Variants in CFAP65 observed in about 807,000 individuals in gnomAD.
CFAP65 encodes cilia- and flagella-associated protein 65.
Under a neutral mutation model 208.0 loss-of-function variants are expected in CFAP65, and 155 were observed. That is an observed-to-expected ratio of 0.75 (90% CI 0.65 to 0.85). The LOEUF (loss-of-function observed/expected upper bound fraction) is 0.85. Among genes scored for constraint, CFAP65 ranks in the 40% least tolerant of loss-of-function variants. The pLI, the probability that CFAP65 is intolerant of heterozygous loss-of-function variation, is 0.00. For synonymous variants in CFAP65, 970 were observed against 986.3 expected (o/e 0.98, Z 0.31); for missense variants, 2,294 against 2,451.3 (o/e 0.94, Z 1.36).
rs201338358 is a variant in CFAP65 at position 219,007,140 on chromosome 2, GT to G, written c.4675-632del. 3.4e-5 allele frequency among the ~76,000 whole-genome samples: 5 copies of G among 148,330 alleles called. No homozygotes were observed. In the South Asian group the frequency reaches 6.3e-4, roughly 19 times the overall value. ...TCCTTCCCTCATGCCCCCAAGAAGAGTTTTTTTTGTTGTTGTTGTTTTTGTT... is the reference window on the plus strand; with the variant it reads ...TCCTTCCCTCATGCCCCCAAGAAGAGTTTTTTTGTTGTTGTTGTTTTTGTT... On this transcript the variant is annotated intron_variant, in intron 29 of 34. Transcript: ENST00000341552.
In CFAP65 at chr2:219,022,231, G is replaced by A. The variant is rs139797387; in HGVS notation, c.2919C>T (p.Pro973=). ...WEAGLSPNAN[P]AATTHYMLRL... ...GGAGCATGTAGTGGGTGGTGGCAGC[G>A]GGGTTGGCATTTGGGGACAGGCCGG... The change falls in exon 17 of 35, where the codon CCC becomes CCT. Residue 973 remains proline (P), a synonymous_variant. Transcript: ENST00000341552. 5.6e-4 allele frequency: 900 copies of A among 1,606,524 alleles called. 4 individuals carry two copies. In the African/African-American group the frequency reaches 9.0e-3, roughly 16 times the overall value.
intron 1 of CFAP65, 83 bp from the exon 2 acceptor site, chr2:219,040,647 C>T: frequency 6.5e-7 from 1 of 1,550,356 alleles, no homozygotes. Context: ...ATGCCTCTGA[C>T]CTCAGGGGAC....
intron 21 of CFAP65, among the ~76,000 whole-genome samples, chr2:219,016,692 G>A (rs996963305): frequency 3.3e-5 from 5 of 152,068 alleles, no homozygotes; most frequent in Non-Finnish European, 4.4e-5. Context: ...GAACCACAAC[G>A]GCCTCCCAAC....
rs201394882 is a variant in CFAP65, at chr2:219,002,968, G to A, written c.5747C>T (p.Pro1916Leu). The change falls in exon 35 of 35, where the codon CCG becomes CTG. Residue 1916 changes from proline (P) to leucine (L), a missense_variant. Around this residue, in one of 2 missense-constraint regions of CFAP65, gnomAD observed 1,427 missense variants for 1,438.7 expected, o/e 0.99. Coordinates refer to ENST00000341552, the MANE Select transcript of CFAP65 (RefSeq NM_194302.4). The surrounding 1 kb of genome is among the most constrained non-coding windows in gnomAD (Gnocchi z 7.9). Reference sequence around the variant, plus strand: ...AAGGTCGGTAGGAAGTGGCACCACCGGGTGGAGTACCTCTGCTTGCTGCGT... The same window carrying A: ...AAGGTCGGTAGGAAGTGGCACCACCAGGTGGAGTACCTCTGCTTGCTGCGT... ...LPTQQAEVLH[P>L]VVPLPTDLP 1.1e-5 allele frequency: 17 copies of A among 1,566,684 alleles called. No homozygotes were observed. In the East Asian group the frequency reaches 1.4e-4, roughly 13 times the overall value.
chr2:219,012,763 G>A (rs917871695), intron 24 of CFAP65, among the ~76,000 whole-genome samples: 1 of 152,200 alleles, frequency 6.6e-6, no homozygotes, highest in African/African-American at 2.4e-5. Flanking sequence ...TTTTCAAATT[G>A]TGGCTAAGAC....
rs748112378 is a variant in CFAP65 at position 219,019,036 on chromosome 2, C to G, written c.3602+15G>C. On this transcript the variant is annotated intron_variant, in intron 21 of 34. Transcript: ENST00000341552. ...TTGTCTCCCAGGCCCCCCAGTGGCC[C>G]CCTTCAAGCCATACCAGTCCAGGGA... 1.2e-6 allele frequency: 2 copies of G among 1,614,020 alleles called. No individual in the cohort carries two copies. The highest frequency in any genetic ancestry group is 1.3e-5 in the African/African-American group (1 of 74,950).
chr2:219,007,608 T>C (rs1461810559), intron 29 of CFAP65, among the ~76,000 whole-genome samples: 1 of 152,046 alleles, frequency 6.6e-6, no homozygotes, highest in South Asian at 2.1e-4. Context: ...GGTTGTGAAA[T>C]TGGGGGAGGA....
At chr2:219,040,202 T>C (rs1006057722) in intron 2 of CFAP65, among the ~76,000 whole-genome samples, 1 of 152,182 alleles carries the variant, frequency 6.6e-6, no homozygotes, top group South Asian at 2.1e-4. Flanking sequence ...TGCCCATTTA[T>C]TTGGCCTAAA....
chr2:219,027,978 G>C lies in CFAP65; in HGVS notation c.1883C>G (p.Pro628Arg). ...DLEDMPAPQYPYIPPMTEFFF... is the reference protein window; with the variant it reads ...DLEDMPAPQYRYIPPMTEFFF... ...GAACTCGGTCATGGGGGGGATATAA[G>C]GGTACTGCGGGGCCGGCATGTCCTC... The change falls in exon 13 of 35, where the codon CCT becomes CGT. Residue 628 changes from proline to arginine, a missense_variant. Around this residue, in one of 2 missense-constraint regions of CFAP65, gnomAD observed 867 missense variants for 1,012.6 expected, o/e 0.86. Coordinates refer to ENST00000341552, the MANE Select transcript of CFAP65 (RefSeq NM_194302.4). The C allele has an allele frequency of 6.6e-7, 1 of 1,518,584 alleles. No homozygotes were observed. The highest frequency in any genetic ancestry group is 1.3e-5 in the South Asian group (1 of 75,238). 94.1% of individuals were successfully genotyped at this position (1,518,584 alleles called of 1,614,324 possible). A position where few individuals can be genotyped will look rare whatever the true frequency, so the allele number is the denominator to read the frequency against.
chr2:219,013,138 G>A, intron 24 of CFAP65, 121 bp downstream of exon 24: 1 of 725,994 alleles, frequency 1.4e-6, no homozygotes, highest in Non-Finnish European at 2.4e-6. Context: ...TCAACCTGCT[G>A]GCCCAGCCCC....
At chr2:219,019,943 A>C (rs987794888) in intron 19 of CFAP65, among the ~76,000 whole-genome samples, 1 of 152,168 alleles carries the variant, frequency 6.6e-6, no homozygotes, top group Admixed American at 6.5e-5. Context: ...ACATGCCTGC[A>C]CTTAATGTGT....
intron 11 of CFAP65, among the ~76,000 whole-genome samples, chr2:219,028,666 G>A (rs1477723771): frequency 6.6e-6 from 1 of 152,058 alleles, no homozygotes; most frequent in African/African-American, 2.4e-5. Context: ...TGGCCCCTGG[G>A]CATTCTCCCA....
In CFAP65 at chr2:219,027,792, C is replaced by T. The variant is rs770875734; in HGVS notation, c.2069G>A (p.Arg690Gln). The T allele has an allele frequency of 6.2e-5, 100 of 1,613,170 alleles. 2 individuals carry two copies. The South Asian group carries it at 8.5e-4, about 14-fold the overall frequency. Residue 690 changes from arginine to glutamine, a missense_variant, in exon 13 of 35, where the codon CGA (arginine) becomes CAA (glutamine). Coordinates refer to ENST00000341552, the MANE Select transcript of CFAP65 (RefSeq NM_194302.4). The part of the protein sequence containing the change: ...TKGKIMVVWT[R>Q]RSDCPFWVTP... ...CACCCAGAAGGGGCAGTCAGACCTT[C>T]GCGTCCAGACCACCATGATCTTGCC... is the stretch of plus-strand genomic sequence containing the variant.
In CFAP65 at chr2:219,019,107, G is replaced by A. The variant is rs1947100608; in HGVS notation, c.3546C>T (p.Ala1182=). The change falls in exon 21 of 35, where the codon GCC becomes GCT. Residue 1182 remains alanine (A), a synonymous_variant. Coordinates refer to ENST00000341552, the MANE Select transcript of CFAP65 (RefSeq NM_194302.4). ...GGGCCAGGAATACCACGGAAGGTGG[G>A]GCCTTGAATGGTGCGGCCCCGAAAT... The part of the protein sequence containing the change: ...DFNFGAAPFK[A]PPSVVFLALK... 13 of 1,614,232 alleles carry A rather than the reference G, an allele frequency of 8.1e-6. No homozygotes were observed. The highest frequency in any genetic ancestry group is 1.0e-5 in the Non-Finnish European group (12 of 1,180,044).
intron 16 of CFAP65, 123 bp from the exon 17 acceptor site, chr2:219,022,452 C>A: frequency 9.0e-7 from 1 of 1,111,944 alleles, no homozygotes; most frequent in Non-Finnish European, 1.3e-6. Flanking sequence ...CTACCCTATG[C>A]CAGGCATTGT....
In CFAP65 at chr2:219,010,659, G is replaced by C; in HGVS notation, c.4195C>G (p.His1399Asp). The C allele has an allele frequency of 6.2e-7, 1 of 1,610,750 alleles. No homozygotes were observed. The highest frequency in any genetic ancestry group is 2.2e-5 in the East Asian group (1 of 44,858). ...HILGWNSALI[H>D]FQGVGYNPHM... Reference sequence around the variant, plus strand: ...GGGTTGTAGCCCACTCCCTGGAAGTGGATGAGGGCCGAGTTCCATCCCAGG... The same window carrying C: ...GGGTTGTAGCCCACTCCCTGGAAGTCGATGAGGGCCGAGTTCCATCCCAGG... The change falls in exon 26 of 35, where the codon CAC becomes GAC. Residue 1399 changes from histidine to aspartate, a missense_variant. Transcript: ENST00000341552.
chr2:219,009,908 C>T, intron 27 of CFAP65, 34 bp downstream of exon 27: 1 of 1,582,282 alleles, frequency 6.3e-7, no homozygotes, highest in Non-Finnish European at 8.6e-7. Context: ...GTCTGGAGCT[C>T]TGATGGAGGT....
chr2:219,021,650 A>G (rs1947269807), intron 18 of CFAP65, 130 bp downstream of exon 18: 1 of 1,046,348 alleles, frequency 9.6e-7, no homozygotes, highest in South Asian at 1.5e-5. Context: ...GGCTCAAGCA[A>G]TACTCCCACC....
At chr2:219,036,854 C>T (rs188468159) in intron 4 of CFAP65, among the ~76,000 whole-genome samples, 6 of 152,334 alleles carry the variant, frequency 3.9e-5, no homozygotes, top group African/African-American at 1.2e-4. Flanking sequence ...GCACCGGACA[C>T]TGTGCTAGGT....
Sources: gnomAD v4.1 joint callset for allele counts (sites outside exome capture counted in the v4.1 genomes callset) on GRCh38, gnomAD v4.1.1 for gene constraint, gnomAD v4.1.1 regional missense constraint, Gnocchi (gnomAD v3.1) non-coding constraint, MANE v1.5 for transcripts, NCBI Gene and HGNC (gene_info 2026-07-23, HGNC 2026-07-21) for gene names.